The following TRAPPC3L variants were observed in gnomAD, a reference collection of about 807,000 sequenced individuals.
TRAPPC3L encodes the protein trafficking protein particle complex subunit 3L.
In TRAPPC3L, 23 loss-of-function variants were observed where a neutral mutation model predicts 23.7. The observed-to-expected ratio is 0.97, with a 90% CI of 0.70 to 1.37. The LOEUF is 1.37. Ranked by LOEUF, TRAPPC3L falls within the 40% of genes most tolerant of loss-of-function variation. The pLI, the probability that TRAPPC3L is intolerant of heterozygous loss-of-function variation, is 0.00. For missense variants in TRAPPC3L, 212 were observed against 216.8 expected (o/e 0.98, Z 0.14); for synonymous variants, 81 against 77.9 (o/e 1.04, Z -0.21).
chr6:116,502,021 G>A (rs1771924511), intron 3 of TRAPPC3L, among the ~76,000 whole-genome samples: 1 of 152,194 alleles, frequency 6.6e-6, no homozygotes, highest in Non-Finnish European at 1.5e-5. Context: ...GATAGAGAAT[G>A]AATTTGACAA....
chr6:116,508,794 C>T (rs1772052792), intron 3 of TRAPPC3L, among the ~76,000 whole-genome samples: 1 of 152,048 alleles, frequency 6.6e-6, no homozygotes, highest in Non-Finnish European at 1.5e-5. Flanking sequence ...CTACTTTCAC[C>T]ACTTCTATTC....
At chr6:116,531,900 AT>A (rs1250591609) in intron 3 of TRAPPC3L, among the ~76,000 whole-genome samples, 6 of 149,976 alleles carry the variant, frequency 4.0e-5, no homozygotes, top group Admixed American at 2.7e-4. Flanking sequence ...TAATTTTAAA[AT>A]ATAATATAAT....
intron 3 of TRAPPC3L, among the ~76,000 whole-genome samples, chr6:116,512,838 A>AG (rs1168150766): frequency 6.6e-6 from 1 of 152,202 alleles, no homozygotes; most frequent in Non-Finnish European, 1.5e-5. Context: ...TCTGTGAAAA[A>AG]GTGACTGTAC....
chr6:116,515,891 T>G, intron 3 of TRAPPC3L: 2 of 1,613,952 alleles, frequency 1.2e-6, no homozygotes, highest in Non-Finnish European at 1.7e-6. Context: ...CCAGCAACAC[T>G]ATAGCACCCT....
chr6:116,545,548 T>C lies in TRAPPC3L; in HGVS notation c.-34A>G. The C allele has an allele frequency of 6.5e-7, 1 of 1,538,760 alleles. No individual in the cohort carries two copies. On this transcript the variant is annotated 5_prime_UTR_variant, in exon 1 of 5. Transcript: ENST00000368602. Reference sequence around the variant, plus strand: ...ATAGATGAAGAATATGATCTTCAATTTCTCTTCTTTTGCCTGTTTCTTAGA... The same window carrying C: ...ATAGATGAAGAATATGATCTTCAATCTCTCTTCTTTTGCCTGTTTCTTAGA...
At position 116,540,460 on chromosome 6, in the gene TRAPPC3L, C is replaced by G; in HGVS notation, c.143G>C (p.Gly48Ala). The G allele has an allele frequency of 6.4e-7, 1 of 1,551,080 alleles. No individual in the cohort carries two copies. The highest frequency in any genetic ancestry group is 8.7e-7 in the Non-Finnish European group (1 of 1,146,626). ...EDVNQYLDKM[G>A]YGIGTRLVED... is the part of the protein sequence containing the mutation. ...CACAAGCCGCGTTCCAATGCCGTAA[C>G]CCCTGTGGATGACGGAAAGAGTGTG... The change falls in exon 3 of 5, where the codon GGT becomes GCT. Residue 48 changes from glycine to alanine, a missense_variant and splice_region_variant. Transcript: ENST00000368602.
rs962075835 is a variant in TRAPPC3L, at chr6:116,496,654, C to T, written c.*300G>A. ...GCTGCTTTTTTTTCCCATTACCATACGTGAATGGAATGAACAGCTTCTCTG... is the reference window on the plus strand; with the variant it reads ...GCTGCTTTTTTTTCCCATTACCATATGTGAATGGAATGAACAGCTTCTCTG... On this transcript the variant is annotated 3_prime_UTR_variant, in exon 5 of 5. Transcript: ENST00000368602. 4 of 248,560 alleles carry T rather than the reference C, an allele frequency of 1.6e-5. No homozygotes were observed. The highest frequency in any genetic ancestry group is 1.6e-4 in the South Asian group (2 of 12,190). 15.4% of individuals were successfully genotyped at this position (248,560 alleles called of 1,614,324 possible).
intron 3 of TRAPPC3L, chr6:116,512,020 G>A (rs781473154): frequency 6.2e-7 from 1 of 1,613,948 alleles, no homozygotes; most frequent in Admixed American, 1.7e-5. Flanking sequence ...TGAGCTCATT[G>A]GTGGCTCCAG....
chr6:116,505,300 C>T (rs1240051052), intron 3 of TRAPPC3L, among the ~76,000 whole-genome samples: 1 of 152,110 alleles, frequency 6.6e-6, no homozygotes, highest in East Asian at 1.9e-4. Context: ...ACCTAGGAAT[C>T]CATCTTACAA....
At position 116,526,712 on chromosome 6, in the gene TRAPPC3L, T is replaced by G. The variant is rs142376486; in HGVS notation, c.240+13651A>C. On this transcript the variant is annotated intron_variant, in intron 3 of 4. Transcript: ENST00000368602. ...TGGGATTTGGTGTTCCTGATGTGTC[T>G]CTGAATCCTTAGACCCAGACAGATC... 3.5e-3 allele frequency among the ~76,000 whole-genome samples: 531 copies of G among 152,328 alleles called. 9 individuals are homozygous for G. The highest frequency in any genetic ancestry group is 6.0e-3 in the Admixed American group (92 of 15,310).
In TRAPPC3L at chr6:116,495,421, G is replaced by A. The variant is rs1305061596; in HGVS notation, c.*1533C>T. The stretch of plus-strand genomic sequence containing the variant: ...TTCTTTATTTCATTAATCTATTGAA[G>A]GACACTTAGATTTCTTCCAAATCTT... On this transcript the variant is annotated 3_prime_UTR_variant, in exon 5 of 5. Coordinates refer to ENST00000368602, the MANE Select transcript of TRAPPC3L (RefSeq NM_001139444.3). 2 of 151,450 alleles carry A rather than the reference G, an allele frequency of 1.3e-5. No individual in the cohort carries two copies. The highest frequency in any genetic ancestry group is 2.9e-5 in the Non-Finnish European group (2 of 68,004). 9.4% of individuals were successfully genotyped at this position (151,450 alleles called of 1,614,324 possible). A position where few individuals can be genotyped will look rare whatever the true frequency, so the allele number is the denominator to read the frequency against.
chr6:116,518,780 C>CA (rs1253038234), intron 3 of TRAPPC3L: 1 of 152,140 alleles, frequency 6.6e-6, no homozygotes, highest in African/African-American at 2.4e-5. Context: ...TTTCTGCACT[C>CA]AAAAAACTTA....
In TRAPPC3L at chr6:116,516,660, A is replaced by AATAT. The variant is rs57050552; in HGVS notation, c.241-15998_241-15995dup. ...TCCTACATTCAAAATAGTAGTAACAAATATATATATATATATATATATATA... is the reference window on the plus strand; with the variant it reads ...TCCTACATTCAAAATAGTAGTAACAAATATATATATATATATATATATATATATA... On this transcript the variant is annotated intron_variant, in intron 3 of 4. Transcript: ENST00000368602. 2.3e-3 allele frequency: 238 copies of AATAT among 104,182 alleles called. 1 individual carries two copies. Among genetic ancestry groups the AATAT allele is most frequent in the Non-Finnish European group, 3.0e-3 (158 of 53,402 alleles). The allele number at this position is 104,182 out of a possible 1,614,324, so 6.5% of individuals were successfully genotyped here.
intron 3 of TRAPPC3L, among the ~76,000 whole-genome samples, chr6:116,527,694 G>A (rs1772486716): frequency 6.6e-6 from 1 of 152,112 alleles, no homozygotes; most frequent in African/African-American, 2.4e-5. Context: ...AGTTTCACAT[G>A]AGTTTCATCC....
At chr6:116,543,567 C>A (rs1210205783) in intron 1 of TRAPPC3L, among the ~76,000 whole-genome samples, 167 bp from the exon 2 acceptor site, 1 of 152,080 alleles carries the variant, frequency 6.6e-6, no homozygotes, top group African/African-American at 2.4e-5. Context: ...AAATTATATT[C>A]ACATTTGGAT....
At chr6:116,507,123 T>A (rs931281101) in intron 3 of TRAPPC3L, among the ~76,000 whole-genome samples, 2 of 152,210 alleles carry the variant, frequency 1.3e-5, no homozygotes, top group African/African-American at 4.8e-5. Flanking sequence ...ATCATTATTT[T>A]CAAAATCTTT....
At chr6:116,543,800 C>G (rs1429293627) in intron 1 of TRAPPC3L, 1 of 1,533,242 alleles carries the variant, frequency 6.5e-7, no homozygotes, top group Admixed American at 2.0e-5. Context: ...TCTCAGGCGT[C>G]TGCACAATCC....
intron 3 of TRAPPC3L, among the ~76,000 whole-genome samples, chr6:116,531,795 T>C (rs1448134250): frequency 2.6e-5 from 4 of 151,836 alleles, no homozygotes; most frequent in Admixed American, 6.6e-5. Flanking sequence ...ATCCCTCTTC[T>C]GAAACCTTCT....
intron 1 of TRAPPC3L, chr6:116,543,862 G>A: frequency 6.5e-7 from 1 of 1,533,562 alleles, no homozygotes; most frequent in Non-Finnish European, 8.7e-7. Flanking sequence ...CCCAAATGTA[G>A]CAGCAAATTT....
Sources: gnomAD v4.1 joint callset for allele counts (sites outside exome capture counted in the v4.1 genomes callset) on GRCh38, gnomAD v4.1.1 for gene constraint, MANE v1.5 for transcripts, NCBI Gene and HGNC (gene_info 2026-07-23, HGNC 2026-07-21) for gene names.